Variants in SLC9A2 observed in about 807,000 individuals in gnomAD.
SLC9A2 encodes sodium/hydrogen exchanger 2.
Under a neutral mutation model 71.7 loss-of-function variants are expected in SLC9A2, and 42 were observed. The ratio of observed to expected loss-of-function variants is 0.59; its 90% CI spans 0.46 to 0.76. The LOEUF (loss-of-function observed/expected upper bound fraction) is 0.76. SLC9A2 is among the 30% of genes least tolerant of loss of function. The pLI is 0.00. For synonymous variants in SLC9A2, 396 were observed against 392.5 expected, an observed-to-expected ratio of 1.01 and a Z score of -0.10; for missense variants, 829 against 1,017.4, an observed-to-expected ratio of 0.81 and a Z score of 2.52.
At chr2:102,667,506 A>T (rs1258212317) in intron 3 of SLC9A2, among the ~76,000 whole-genome samples, 1 of 152,132 alleles carries the variant, frequency 6.6e-6, no homozygotes, top group Non-Finnish European at 1.5e-5. Flanking sequence ...GAAGAATTGG[A>T]TGGGATGGGA....
intron 1 of SLC9A2, among the ~76,000 whole-genome samples, chr2:102,631,008 G>A (rs1373620886): frequency 6.6e-6 from 1 of 152,014 alleles, no homozygotes; most frequent in African/African-American, 2.4e-5. Context: ...AGCAGGTGAT[G>A]TTTATTTGGT....
At chr2:102,687,962 T>C (rs1050848783) in intron 5 of SLC9A2, among the ~76,000 whole-genome samples, 2 of 152,028 alleles carry the variant, frequency 1.3e-5, no homozygotes, top group Non-Finnish European at 2.9e-5. Flanking sequence ...ATATTTTTAG[T>C]AGAGATGCGG....
chr2:102,646,140 C>T (rs757537382), intron 1 of SLC9A2, among the ~76,000 whole-genome samples: 1 of 152,108 alleles, frequency 6.6e-6, no homozygotes, highest in Admixed American at 6.6e-5. Flanking sequence ...GAGTGGGGAC[C>T]GAGATTTAAC....
chr2:102,687,365 A>T (rs1161912443), intron 5 of SLC9A2, among the ~76,000 whole-genome samples: 1 of 152,210 alleles, frequency 6.6e-6, no homozygotes, highest in African/African-American at 2.4e-5. Context: ...TCTTTTCCAG[A>T]ATACATCAAT....
chr2:102,690,309 C>G (rs368341357), intron 5 of SLC9A2, among the ~76,000 whole-genome samples: 192 of 152,104 alleles, frequency 1.3e-3, no homozygotes, highest in African/African-American at 4.5e-3. Flanking sequence ...GATGTAGTGA[C>G]GCCGTGATGA....
intron 7 of SLC9A2, among the ~76,000 whole-genome samples, chr2:102,698,492 C>T (rs1307675097): frequency 5.3e-5 from 8 of 152,172 alleles, no homozygotes; most frequent in Non-Finnish European, 1.2e-4. Context: ...AACTCAGCTG[C>T]TCAGAACACG....
At chr2:102,651,472 C>T (rs996484455) in intron 1 of SLC9A2, among the ~76,000 whole-genome samples, 3 of 152,236 alleles carry the variant, frequency 2.0e-5, no homozygotes, top group African/African-American at 7.2e-5. Flanking sequence ...TTATTCTTTT[C>T]TTCCCTGCTC....
chr2:102,654,370 T>C (rs1676894890), intron 1 of SLC9A2, among the ~76,000 whole-genome samples: 1 of 152,044 alleles, frequency 6.6e-6, no homozygotes, highest in Non-Finnish European at 1.5e-5. Flanking sequence ...CCAGAGGTCA[T>C]AGGTAAAGAG....
rs1491352314 is a variant in SLC9A2 at position 102,695,800 on chromosome 2, T to TAA, written c.1586+687_1586+688insAA. On this transcript the variant is annotated intron_variant, in intron 7 of 11. Transcript: ENST00000233969. The stretch of plus-strand genomic sequence containing the variant: ...ATATTATATATATATTATATATATA[T>TAA]TATATATATATATAATATATATATA... Among the ~76,000 whole-genome samples, 115 of 92,908 alleles carry TAA rather than the reference T, an allele frequency of 1.2e-3. 2 individuals are homozygous for TAA. Among genetic ancestry groups the TAA allele is most frequent in the African/African-American group, 3.6e-3 (93 of 25,542 alleles). 61.0% of individuals were successfully genotyped at this position (92,908 alleles called of 152,430 possible). A position where few individuals can be genotyped will look rare whatever the true frequency, so the allele number is the denominator to read the frequency against.
At chr2:102,665,435 G>A (rs1264348413) in intron 3 of SLC9A2, 85 bp downstream of exon 3, 11 of 1,357,200 alleles carry the variant, frequency 8.1e-6, no homozygotes, top group Non-Finnish European at 1.1e-5. Context: ...AGTTGAATAA[G>A]TTATATGAAA....
chr2:102,677,384 C>T (rs971513812), intron 3 of SLC9A2, among the ~76,000 whole-genome samples: 1 of 152,074 alleles, frequency 6.6e-6, no homozygotes, highest in African/African-American at 2.4e-5. Flanking sequence ...ATAAAGAAAA[C>T]CTCAGTTGCT....
chr2:102,683,602 C>A, intron 4 of SLC9A2, 124 bp downstream of exon 4: 1 of 733,166 alleles, frequency 1.4e-6, no homozygotes, highest in Non-Finnish European at 2.3e-6. Context: ...CTTCTTCTTT[C>A]TTACCTACGT....
At chr2:102,630,341 A>ACC (rs1676333759) in intron 1 of SLC9A2, among the ~76,000 whole-genome samples, 3 of 152,014 alleles carry the variant, frequency 2.0e-5, no homozygotes, top group Admixed American at 1.3e-4. Flanking sequence ...TGATAATGTA[A>ACC]CTGAGTGTAG....
In SLC9A2 at chr2:102,619,859, T is replaced by G; in HGVS notation, c.11T>G (p.Leu4Arg). Reference protein sequence around the residue: MEPLGNWRSLRAPL... With the variant: MEPRGNWRSLRAPL... ...CAACCGGCGGCACCCATGGAACCACTGGGCAACTGGAGGAGCCTGCGGGCG... is the reference window on the plus strand; with the variant it reads ...CAACCGGCGGCACCCATGGAACCACGGGGCAACTGGAGGAGCCTGCGGGCG... The change falls in exon 1 of 12, where the codon CTG becomes CGG. Residue 4 changes from leucine (L) to arginine (R), a missense_variant. Physicochemically the swap from Leu to Arg is moderately radical, Grantham distance 102 (BLOSUM62 -2). Transcript: ENST00000233969. The surrounding 1 kb of genome is among the most constrained non-coding windows in gnomAD (Gnocchi z 4.3). The G allele has an allele frequency of 6.5e-7, 1 of 1,528,768 alleles. No homozygotes were observed. The highest frequency in any genetic ancestry group is 8.8e-7 in the Non-Finnish European group (1 of 1,136,536). The allele number at this position is 1,528,768 out of a possible 1,614,324, so 94.7% of individuals were successfully genotyped here. A position where few individuals can be genotyped will look rare whatever the true frequency, so the allele number is the denominator to read the frequency against.
chr2:102,629,531 G>A lies in SLC9A2; in HGVS notation c.289+9394G>A, dbSNP rs551114327. Among the ~76,000 whole-genome samples the A allele has an allele frequency of 3.5e-4, 53 of 151,966 alleles. 1 individual carries two copies. The South Asian group carries it at 7.1e-3, about 20-fold the overall frequency. ...CTTTAATTTCACATTTTAAAACACC[G>A]TAGCTTAAAAAGAGAAATGTAATTA... On this transcript the variant is annotated intron_variant, in intron 1 of 11. Transcript: ENST00000233969.
chr2:102,697,554 CTT>C (rs994677870), intron 7 of SLC9A2: 1 of 150,506 alleles, frequency 6.6e-6, no homozygotes, highest in Non-Finnish European at 1.5e-5. Context: ...CCACGCACAA[CTT>C]TTTTTCCAGG....
Position 102,708,612 on chromosome 2 carries a change from C to G in SLC9A2, c.*123C>G, listed in dbSNP as rs1678035235. On this transcript the variant is annotated 3_prime_UTR_variant, in exon 12 of 12. Transcript: ENST00000233969. ...TGTGCATCTAAATACTTCTGGAGGG[C>G]GACAGATTCATGCCACGGATAAATG... 1.3e-5 allele frequency: 15 copies of G among 1,158,096 alleles called. No individual in the cohort carries two copies. Among genetic ancestry groups the G allele is most frequent in the Non-Finnish European group, 1.5e-5 (12 of 827,194 alleles). 71.7% of individuals were successfully genotyped at this position (1,158,096 alleles called of 1,614,324 possible).
At chr2:102,669,829 CT>C (rs983639913) in intron 3 of SLC9A2, among the ~76,000 whole-genome samples, 1 of 152,044 alleles carries the variant, frequency 6.6e-6, no homozygotes, top group African/African-American at 2.4e-5. Flanking sequence ...TTGTTATCCA[CT>C]TTTGGACTTC....
At chr2:102,702,681 A>G (rs181117763) in intron 9 of SLC9A2, among the ~76,000 whole-genome samples, 179 bp downstream of exon 9, 2 of 152,290 alleles carry the variant, frequency 1.3e-5, no homozygotes, top group East Asian at 3.9e-4. Flanking sequence ...CCTCCTGGAC[A>G]CCATGGCTGA....
Sources: allele counts gnomAD v4.1 joint callset (sites outside exome capture counted in the v4.1 genomes callset), GRCh38; gene constraint gnomAD v4.1.1; non-coding constraint Gnocchi (gnomAD v3.1); transcripts MANE v1.5; gene names NCBI Gene and HGNC (gene_info 2026-07-23, HGNC 2026-07-21).